DIS3L: variants seen among roughly 807,000 people sequenced by gnomAD.
DIS3L encodes the protein DIS3 like exosome 3'-5' exoribonuclease.
A neutral mutation model predicts 120.3 loss-of-function variants in DIS3L; 100 were observed. The observed-to-expected ratio is 0.83, with a 90% CI of 0.71 to 0.98. The LOEUF (loss-of-function observed/expected upper bound fraction) is 0.98. DIS3L is among the 50% of genes least tolerant of loss of function. The pLI, the probability that DIS3L is intolerant of heterozygous loss-of-function variation, is 0.00. For synonymous variants in DIS3L, 426 were observed against 470.6 expected (o/e 0.91, Z 1.23); for missense variants, 1,196 against 1,314.2 (o/e 0.91, Z 1.39).
intron 11 of DIS3L, among the ~76,000 whole-genome samples, chr15:66,325,120 A>C (rs1414443895): frequency 1.3e-5 from 2 of 152,174 alleles, no homozygotes; most frequent in African/African-American, 4.8e-5. Context: ...ATGGCCGGGC[A>C]CGGTGGCTCA....
At chr15:66,305,446 G>A (rs1020788588) in intron 2 of DIS3L, among the ~76,000 whole-genome samples, 1 of 152,134 alleles carries the variant, frequency 6.6e-6, no homozygotes, top group African/African-American at 2.4e-5. Context: ...GTGGCAGGCT[G>A]GAGGTGTGGA....
chr15:66,326,468 A>G (rs2092939621), intron 12 of DIS3L, 104 bp downstream of exon 12: 9 of 1,273,996 alleles, frequency 7.1e-6, no homozygotes, highest in African/African-American at 1.5e-5. Context: ...GACCAAAAAG[A>G]GAAAACAGAT....
At position 66,329,280 on chromosome 15, in the gene DIS3L, G is replaced by A; in HGVS notation, c.2416G>A (p.Val806Ile). ...TSPIRRYSDI[V>I]VHRLLMAAIS... Reference sequence around the variant, plus strand: ...TCCAATAAGAAGATATTCAGATATTGTAGTACACCGCTTGTTAATGGCAGC... The same window carrying A: ...TCCAATAAGAAGATATTCAGATATTATAGTACACCGCTTGTTAATGGCAGC... Residue 806 changes from valine to isoleucine, a missense_variant, in exon 14 of 17, where the codon GTA (valine) becomes ATA (isoleucine). Coordinates refer to ENST00000319212, the MANE Select transcript of DIS3L (RefSeq NM_001143688.3). The A allele has an allele frequency of 1.2e-6, 2 of 1,614,002 alleles. No homozygotes were observed. The highest frequency in any genetic ancestry group is 1.7e-6 in the Non-Finnish European group (2 of 1,179,990).
At chr15:66,331,795 C>T in intron 14 of DIS3L, 80 bp from the exon 15 acceptor site, 1 of 1,367,912 alleles carries the variant, frequency 7.3e-7, no homozygotes, top group Non-Finnish European at 9.6e-7. Flanking sequence ...CAGAATCTCA[C>T]ATTTGAATGA....
At chr15:66,319,167 A>G (rs1446486793) in intron 8 of DIS3L, among the ~76,000 whole-genome samples, 1 of 152,020 alleles carries the variant, frequency 6.6e-6, no homozygotes, top group Admixed American at 6.6e-5. Context: ...TGAACTCCTG[A>G]CCTCAAGCAG....
intron 2 of DIS3L, among the ~76,000 whole-genome samples, chr15:66,300,026 G>A (rs1204601014): frequency 6.6e-6 from 1 of 152,112 alleles, no homozygotes; most frequent in Non-Finnish European, 1.5e-5. Context: ...ACTCCAGCCT[G>A]GGTGACAGAG....
chr15:66,324,295 A>G (rs913592480), intron 11 of DIS3L, among the ~76,000 whole-genome samples: 4 of 152,182 alleles, frequency 2.6e-5, no homozygotes, highest in Admixed American at 6.5e-5. Flanking sequence ...TTACAAACAA[A>G]GCTGTACTGA....
At chr15:66,310,587 G>A (rs1024009773) in intron 4 of DIS3L, among the ~76,000 whole-genome samples, 1 of 152,150 alleles carries the variant, frequency 6.6e-6, no homozygotes, top group African/African-American at 2.4e-5. Flanking sequence ...TCTTGAAGAC[G>A]TAGTTCATAA....
At chr15:66,326,587 CAATTTT>C (rs1381200206) in intron 12 of DIS3L, 1 of 535,548 alleles carries the variant, frequency 1.9e-6, no homozygotes. Flanking sequence ...TTTTTTGTTT[CAATTTT>C]TTTTTAGATA....
Position 66,329,013 on chromosome 15 carries a change from C to T in DIS3L, c.2245C>T (p.Pro749Ser). ...LADSLDNAND[P>S]HDPIVNRLLR... ...TGATTCTCTGGATAATGCGAACGACCCCCACGATCCCATTGTGAACAGGCT... is the reference window on the plus strand; with the variant it reads ...TGATTCTCTGGATAATGCGAACGACTCCCACGATCCCATTGTGAACAGGCT... Residue 749 changes from proline (P) to serine (S), a missense_variant, in exon 13 of 17, where the codon CCC becomes TCC. Transcript: ENST00000319212. 1 of 1,613,988 alleles carries T rather than the reference C, an allele frequency of 6.2e-7. No homozygotes were observed. The highest frequency in any genetic ancestry group is 2.2e-5 in the East Asian group (1 of 44,886).
chr15:66,293,654 C>T lies in DIS3L; in HGVS notation c.58C>T (p.Arg20Trp). ...LLRTFQGRTL[R>W]IVREHYLRPC... ...GAGGACCTTCCAGGGCCGCACGCTGCGGATCGTGCGCGAGCACTACCTGCG... is the reference window on the plus strand; with the variant it reads ...GAGGACCTTCCAGGGCCGCACGCTGTGGATCGTGCGCGAGCACTACCTGCG... Residue 20 changes from arginine (R) to tryptophan (W), a missense_variant, in exon 1 of 17, where the codon CGG becomes TGG. Transcript: ENST00000319212. 3 of 1,433,664 alleles carry T rather than the reference C, an allele frequency of 2.1e-6. No individual in the cohort carries two copies. The highest frequency in any genetic ancestry group is 2.7e-6 in the Non-Finnish European group (3 of 1,093,498). The allele number at this position is 1,433,664 out of a possible 1,614,324, so 88.8% of individuals were successfully genotyped here.
At chr15:66,332,494 G>GTGTGTGTGTGTGTGTATACACACATATA (rs763494547) in intron 15 of DIS3L, among the ~76,000 whole-genome samples, 4 of 116,962 alleles carry the variant, frequency 3.4e-5, no homozygotes, top group African/African-American at 5.6e-5. Flanking sequence ...GAGTGTGTGT[G>GTGTGTGTGTGTGTGTATACACACATATA]TGTGTGTGTG....
rs2093018885 is a variant in DIS3L, at chr15:66,333,062, T to C, written c.2915T>C (p.Ile972Thr). The change falls in exon 17 of 17, where the codon ATT (isoleucine) becomes ACT (threonine). Residue 972 changes from isoleucine (I) to threonine (T), a missense_variant. Coordinates refer to ENST00000319212, the MANE Select transcript of DIS3L (RefSeq NM_001143688.3). ...CHSDTIRLEIISNKPYKIPNT... is the reference protein window; with the variant it reads ...CHSDTIRLEITSNKPYKIPNT... The stretch of plus-strand genomic sequence containing the variant: ...TCTGATACAATCAGACTTGAAATAA[T>C]TAGTAACAAACCATACAAGATACCA... The C allele has an allele frequency of 1.2e-6, 2 of 1,613,176 alleles. No homozygotes were observed. The highest frequency in any genetic ancestry group is 2.2e-5 in the South Asian group (2 of 91,066).
At chr15:66,317,362 A>T (rs2092829724) in intron 7 of DIS3L, among the ~76,000 whole-genome samples, 1 of 151,020 alleles carries the variant, frequency 6.6e-6, no homozygotes, top group South Asian at 2.1e-4. Flanking sequence ...AAAAAAAAAA[A>T]GAAAAAAGAG....
At chr15:66,305,344 C>G (rs931583949) in intron 2 of DIS3L, among the ~76,000 whole-genome samples, 1 of 151,966 alleles carries the variant, frequency 6.6e-6, no homozygotes, top group Admixed American at 6.6e-5. Flanking sequence ...TAAGACCACA[C>G]AGATTGGTGA....
At chr15:66,331,118 G>A (rs1370305137) in intron 14 of DIS3L, among the ~76,000 whole-genome samples, 1 of 152,056 alleles carries the variant, frequency 6.6e-6, no homozygotes, top group African/African-American at 2.4e-5. Context: ...TCGCGCCATT[G>A]CACTCCAGCC....
At chr15:66,293,895 C>T (rs1380631582) in intron 1 of DIS3L, 160 bp downstream of exon 1, 46 of 1,002,038 alleles carry the variant, frequency 4.6e-5, no homozygotes, top group Admixed American at 1.2e-4. Flanking sequence ...GGCTCTCTGC[C>T]GGTGGGGACC....
intron 2 of DIS3L, among the ~76,000 whole-genome samples, chr15:66,302,027 C>A (rs890665014): frequency 3.3e-5 from 5 of 152,034 alleles, no homozygotes; most frequent in Admixed American, 1.3e-4. Context: ...TGGTGGTAAC[C>A]CCTGGGTCTG....
intron 9 of DIS3L, 25 bp from the exon 10 acceptor site, chr15:66,322,662 G>A (rs747344117): frequency 5.0e-6 from 8 of 1,609,986 alleles, no homozygotes. Flanking sequence ...TGCATGAATT[G>A]CTGAATATTT....
Sources: allele counts gnomAD v4.1 joint callset (sites outside exome capture counted in the v4.1 genomes callset), GRCh38; gene constraint gnomAD v4.1.1; transcripts MANE v1.5; gene names NCBI Gene and HGNC (gene_info 2026-07-23, HGNC 2026-07-21).